The following OSBPL1A variants were observed in gnomAD, a reference collection of about 807,000 sequenced individuals.
OSBPL1A encodes the protein oxysterol-binding protein-related protein 1.
OSBPL1A carries 80 observed loss-of-function variants against 137.1 expected under a neutral mutation model. The observed-to-expected ratio is 0.58, with a 90% confidence interval of 0.49 to 0.70. The LOEUF (loss-of-function observed/expected upper bound fraction) is 0.70, where lower values mean the gene tolerates loss of function less well. OSBPL1A is among the 30% of genes least tolerant of loss of function. The pLI is 0.00. For synonymous variants in OSBPL1A, 365 were observed against 389.7 expected (o/e 0.94, Z 0.75); for missense variants, 970 against 1,129.4 (o/e 0.86, Z 2.02).
intron 4 of OSBPL1A, among the ~76,000 whole-genome samples, chr18:24,342,787 C>T (rs1327507399): frequency 2.6e-5 from 4 of 151,978 alleles, no homozygotes; most frequent in Non-Finnish European, 4.4e-5. Flanking sequence ...CATGATTTTA[C>T]TTACATGCCA....
chr18:24,176,098 T>C (rs1167645471), intron 21 of OSBPL1A, among the ~76,000 whole-genome samples: 1 of 152,252 alleles, frequency 6.6e-6, no homozygotes, highest in Non-Finnish European at 1.5e-5. Context: ...AATTCTGTTC[T>C]TCCTTTTCAA....
intron 15 of OSBPL1A, among the ~76,000 whole-genome samples, chr18:24,241,131 T>C (rs2088676909): frequency 6.6e-6 from 1 of 152,142 alleles, no homozygotes; most frequent in African/African-American, 2.4e-5. Context: ...TGACTCAAGA[T>C]GGATTAAAGA....
chr18:24,232,798 T>C (rs546973414), intron 16 of OSBPL1A, among the ~76,000 whole-genome samples: 1 of 143,214 alleles, frequency 7.0e-6, no homozygotes, highest in East Asian at 2.1e-4. Context: ...AAAGTGCAAG[T>C]TGCTGAAGCA....
chr18:24,232,582 T>A (rs2088315455), intron 16 of OSBPL1A, among the ~76,000 whole-genome samples: 1 of 152,250 alleles, frequency 6.6e-6, no homozygotes, highest in Non-Finnish European at 1.5e-5. Flanking sequence ...GGATCTATTT[T>A]GGGCTACCAA....
intron 23 of OSBPL1A, among the ~76,000 whole-genome samples, chr18:24,171,086 G>C (rs751643042): frequency 1.3e-5 from 2 of 151,478 alleles, no homozygotes; most frequent in African/African-American, 4.9e-5. Flanking sequence ...CTGGGCTGGA[G>C]TGTGGTGGTG....
intron 17 of OSBPL1A, among the ~76,000 whole-genome samples, chr18:24,210,529 CTTTT>C: frequency 8.6e-6 from 1 of 116,910 alleles, no homozygotes; most frequent in African/African-American, 2.8e-5. Flanking sequence ...CTCTCCTTTT[CTTTT>C]TCTTTTTTTT....
intron 14 of OSBPL1A, among the ~76,000 whole-genome samples, 189 bp from the exon 15 acceptor site, chr18:24,281,137 G>A: frequency 6.6e-6 from 1 of 152,052 alleles, no homozygotes; most frequent in East Asian, 1.9e-4. Context: ...CTAGGCTGGA[G>A]TGCAGTGGTG....
At chr18:24,360,669 A>T (rs918276920) in intron 4 of OSBPL1A, among the ~76,000 whole-genome samples, 2 of 152,166 alleles carry the variant, frequency 1.3e-5, no homozygotes, top group African/African-American at 2.4e-5. Flanking sequence ...CGATTCTTGG[A>T]GGGGGCCAAT....
intron 2 of OSBPL1A, among the ~76,000 whole-genome samples, chr18:24,376,679 G>C (rs1173232091): frequency 1.3e-5 from 2 of 152,248 alleles, no homozygotes; most frequent in East Asian, 3.9e-4. Flanking sequence ...CATGGAGGGG[G>C]TGGGAGGCTG....
Position 24,314,258 on chromosome 18 carries a change from C to T in OSBPL1A, c.960G>A (p.Gln320=), listed in dbSNP as rs1381885886. 5 of 1,596,692 alleles carry T rather than the reference C, an allele frequency of 3.1e-6. No homozygotes were observed. The Admixed American group carries it at 8.8e-5, about 28-fold the overall frequency. The change falls in exon 12 of 28, where the codon CAG becomes CAA. Residue 320 remains glutamine, a synonymous_variant. Coordinates refer to ENST00000319481, the MANE Select transcript of OSBPL1A (RefSeq NM_080597.4). ...GAATCCATAAGATTACCTCTCTTGA[C>T]TGCTGAAGGCTATTCTTAGGAACCC... is the stretch of plus-strand genomic sequence containing the variant. ...GFRVPKNSLQ[Q]SREDWLEAIE...
chr18:24,276,725 T>C (rs1257862833), intron 15 of OSBPL1A, among the ~76,000 whole-genome samples: 1 of 152,094 alleles, frequency 6.6e-6, no homozygotes, highest in Admixed American at 6.5e-5. Context: ...AGTGCTGGGA[T>C]TACAGGCATG....
rs1438272033 is a variant in OSBPL1A, at chr18:24,239,214, AG to A, written c.1444+5del. The A allele has an allele frequency of 6.2e-7, 1 of 1,612,842 alleles. No homozygotes were observed. The highest frequency in any genetic ancestry group is 1.1e-5 in the South Asian group (1 of 90,840). The stretch of plus-strand genomic sequence containing the variant: ...AACAATGCAGAGGGAAGGATCCCAG[AG>A]TTACCTGACAGCGCATCATAGAACT... On this transcript the variant is annotated splice_donor_5th_base_variant and intron_variant, in intron 16 of 27. Transcript: ENST00000319481.
Position 24,269,561 on chromosome 18 carries a change from CAAAAA to C in OSBPL1A, c.1281+11276_1281+11280del, listed in dbSNP as rs529862999. Among the ~76,000 whole-genome samples the C allele has an allele frequency of 1.7e-3, 253 of 151,492 alleles. 1 individual carries two copies. Among genetic ancestry groups the C allele is most frequent in the African/African-American group, 5.9e-3 (242 of 41,290 alleles). On this transcript the variant is annotated intron_variant, in intron 15 of 27. Coordinates refer to ENST00000319481, the MANE Select transcript of OSBPL1A (RefSeq NM_080597.4). ...ATCTATAAATATTTATCAAATGACT[CAAAAA>C]AAAGTCACAGAAAGTAACAGACATC...
intron 1 of OSBPL1A, among the ~76,000 whole-genome samples, chr18:24,385,509 G>T (rs1599739729): frequency 2.0e-5 from 3 of 152,278 alleles, no homozygotes; most frequent in Admixed American, 2.0e-4. Flanking sequence ...ATTTATTTAA[G>T]GCAAAGGAGG....
chr18:24,210,580 C>T (rs1413794218), intron 17 of OSBPL1A, among the ~76,000 whole-genome samples: 2 of 148,202 alleles, frequency 1.3e-5, no homozygotes, highest in Non-Finnish European at 3.0e-5. Flanking sequence ...GTCATCCAGG[C>T]TGGAATACGG....
At chr18:24,372,922 G>A (rs1290380472) in intron 2 of OSBPL1A, among the ~76,000 whole-genome samples, 2 of 152,040 alleles carry the variant, frequency 1.3e-5, no homozygotes, top group African/African-American at 4.8e-5. Flanking sequence ...AAATTAGCCT[G>A]GTGTGATGGT....
At chr18:24,389,513 C>T (rs1264801435) in intron 1 of OSBPL1A, among the ~76,000 whole-genome samples, 1 of 152,064 alleles carries the variant, frequency 6.6e-6, no homozygotes, top group East Asian at 1.9e-4. Context: ...TTCTATGGCC[C>T]CAACAGTTCT....
intron 4 of OSBPL1A, chr18:24,358,365 G>T: frequency 1.5e-6 from 1 of 662,998 alleles, no homozygotes; most frequent in Non-Finnish European, 2.7e-6. Flanking sequence ...CAGCAGAAAG[G>T]CTGAGGCATC....
intron 14 of OSBPL1A, among the ~76,000 whole-genome samples, chr18:24,287,340 T>C (rs1407820825): frequency 6.6e-6 from 1 of 152,220 alleles, no homozygotes; most frequent in East Asian, 1.9e-4. Flanking sequence ...GGGCCACCTA[T>C]GGCCAAGGTC....
Sources: gnomAD v4.1 joint callset for allele counts (sites outside exome capture counted in the v4.1 genomes callset) on GRCh38, gnomAD v4.1.1 for gene constraint, MANE v1.5 for transcripts, NCBI Gene and HGNC (gene_info 2026-07-23, HGNC 2026-07-21) for gene names.